Variants in MAML2 observed in about 807,000 individuals in gnomAD.
The protein encoded by MAML2 is mastermind like transcriptional coactivator 2, also known as mastermind-like protein 2.
Under a neutral mutation model 96.1 loss-of-function variants are expected in MAML2, and 22 were observed. That is an observed-to-expected ratio of 0.23 (90% CI 0.16 to 0.33). The LOEUF (loss-of-function observed/expected upper bound fraction) is 0.33. Among genes scored for constraint, MAML2 ranks in the 10% least tolerant of loss-of-function variants. The pLI, the probability that MAML2 is intolerant of heterozygous loss-of-function variation, is 1.00. For missense variants in MAML2, 1,367 were observed against 1,392.4 expected (o/e 0.98, Z 0.29); for synonymous variants, 561 against 521.3 (o/e 1.08, Z -1.04).
At chr11:96,093,954 T>G (rs4753717) in intron 1 of MAML2, among the ~76,000 whole-genome samples, 113,323 of 152,054 alleles carry the variant, frequency 0.75, 43,128 homozygotes, top group Middle Eastern at 0.85. Context: ...TAGAAAACAC[T>G]CACAAGTCTA....
intron 1 of MAML2, among the ~76,000 whole-genome samples, chr11:96,197,507 G>C (rs183581842): frequency 2.0e-5 from 3 of 152,130 alleles, no homozygotes; most frequent in Non-Finnish European, 4.4e-5. Context: ...ATATAAGGGG[G>C]ACTAGGGCAA....
At chr11:96,158,570 G>A (rs528998666) in intron 1 of MAML2, among the ~76,000 whole-genome samples, 1 of 152,286 alleles carries the variant, frequency 6.6e-6, no homozygotes, top group African/African-American at 2.4e-5. Context: ...TTTTGCCTGG[G>A]TGGAGGCTAG....
intron 1 of MAML2, among the ~76,000 whole-genome samples, chr11:96,207,971 T>C (rs1002902041): frequency 5.3e-5 from 8 of 152,160 alleles, no homozygotes; most frequent in African/African-American, 1.7e-4. Flanking sequence ...CTTCCTGTTT[T>C]CTCCATACTA....
At chr11:96,219,219 C>T (rs1239985952) in intron 1 of MAML2, among the ~76,000 whole-genome samples, 1 of 152,210 alleles carries the variant, frequency 6.6e-6, no homozygotes, top group Non-Finnish European at 1.5e-5. Flanking sequence ...CTTTGATGTT[C>T]ATTAGTGCCA....
At chr11:96,121,541 C>T (rs1198223973) in intron 1 of MAML2, among the ~76,000 whole-genome samples, 1 of 151,960 alleles carries the variant, frequency 6.6e-6, no homozygotes, top group African/African-American at 2.4e-5. Context: ...ATTATTTTTG[C>T]CTTGCTTCAA....
chr11:96,246,693 G>T (rs755854141), intron 1 of MAML2, among the ~76,000 whole-genome samples: 13 of 152,232 alleles, frequency 8.5e-5, no homozygotes, highest in Non-Finnish European at 1.8e-4. Context: ...ACAATGAACT[G>T]TTCCCACATG....
intron 1 of MAML2, among the ~76,000 whole-genome samples, chr11:96,166,177 T>TCTCTCTCATACACA (rs530578845): frequency 9.1e-6 from 1 of 110,330 alleles, no homozygotes; most frequent in African/African-American, 3.5e-5. Context: ...TCTCTCTCTC[T>TCTCTCTCATACACA]CACACACACA....
At chr11:96,328,502 G>A (rs901638561) in intron 1 of MAML2, among the ~76,000 whole-genome samples, 24 of 151,892 alleles carry the variant, frequency 1.6e-4, no homozygotes, top group African/African-American at 5.3e-4. Flanking sequence ...AAAAATGCTC[G>A]GGCTGGCCCA....
chr11:95,989,666 A>G lies in MAML2; in HGVS notation c.2343+1854T>C, dbSNP rs564849066. On this transcript the variant is annotated intron_variant, in intron 3 of 4. Coordinates refer to ENST00000524717, the MANE Select transcript of MAML2 (RefSeq NM_032427.4). ...GATAAAAATGGGAGGGGAAGGGAAC[A>G]GGGGGGAGGACTGGAGTTTTCAAAA... Among the ~76,000 whole-genome samples the G allele has an allele frequency of 2.6e-4, 32 of 123,392 alleles. No homozygotes were observed. The East Asian group carries it at 5.3e-3, about 20-fold the overall frequency. 80.9% of individuals were successfully genotyped at this position (123,392 alleles called of 152,430 possible).
In MAML2 at chr11:96,303,290, C is replaced by T. The variant is rs527379235; in HGVS notation, c.513+38093G>A. Among the ~76,000 whole-genome samples, 14 of 152,300 alleles carry T rather than the reference C, an allele frequency of 9.2e-5. No individual in the cohort carries two copies. In the South Asian group the frequency reaches 2.9e-3, roughly 32 times the overall value. On this transcript the variant is annotated intron_variant, in intron 1 of 4. Transcript: ENST00000524717. ...CCTCAAACAGTGGTGTATTTGTTAA[C>T]TTTATGGAAGTATAATTTACCAATA... is the stretch of plus-strand genomic sequence containing the variant.
chr11:96,246,468 G>A (rs375142010), intron 1 of MAML2, among the ~76,000 whole-genome samples: 3 of 152,216 alleles, frequency 2.0e-5, no homozygotes, highest in South Asian at 4.2e-4. Flanking sequence ...CTTCTGCCTG[G>A]GGTGTCAAGG....
chr11:96,109,765 G>T (rs1860087691), intron 1 of MAML2, among the ~76,000 whole-genome samples: 2 of 152,202 alleles, frequency 1.3e-5, no homozygotes, highest in East Asian at 1.9e-4. Context: ...AATGTGAGAT[G>T]TCTGTGGGGC....
Position 96,341,464 on chromosome 11 carries a change from A to G in MAML2, c.432T>C (p.Asn144=). ...CTCCGTTTATCCCACCACTGCCACC[A>G]TTATTGCTACTGTTCAGCAGGTGCT... ...HQQHLLNSSN[N]GGSGGINGEQ... Residue 144 remains asparagine, a synonymous_variant, in exon 1 of 5, where the codon AAT becomes AAC. Transcript: ENST00000524717. 1 of 1,550,468 alleles carries G rather than the reference A, an allele frequency of 6.4e-7. No individual in the cohort carries two copies. The highest frequency in any genetic ancestry group is 8.7e-7 in the Non-Finnish European group (1 of 1,146,770).
chr11:96,150,889 T>G (rs1317203220), intron 1 of MAML2, among the ~76,000 whole-genome samples: 1 of 152,184 alleles, frequency 6.6e-6, no homozygotes, highest in Non-Finnish European at 1.5e-5. Context: ...AAGCGTGTTC[T>G]ACAGTCTAGC....
intron 1 of MAML2, among the ~76,000 whole-genome samples, chr11:96,205,706 T>C (rs746708350): frequency 4.6e-5 from 7 of 152,236 alleles, no homozygotes; most frequent in Non-Finnish European, 7.3e-5. Flanking sequence ...ATGAGCTGCC[T>C]TCTGCTCTTC....
At chr11:96,325,440 T>C (rs1046355033) in intron 1 of MAML2, among the ~76,000 whole-genome samples, 20 of 152,194 alleles carry the variant, frequency 1.3e-4, no homozygotes, top group African/African-American at 4.8e-4. Flanking sequence ...TAAGATATTA[T>C]TACCATTTCT....
chr11:96,225,230 C>A (rs1862194845), intron 1 of MAML2, among the ~76,000 whole-genome samples: 1 of 152,130 alleles, frequency 6.6e-6, no homozygotes, highest in African/African-American at 2.4e-5. Flanking sequence ...CATAAAAGAC[C>A]ATGCAGCTTA....
intron 2 of MAML2, among the ~76,000 whole-genome samples, chr11:96,005,206 A>G (rs1259182110): frequency 6.6e-6 from 1 of 152,204 alleles, no homozygotes; most frequent in East Asian, 1.9e-4. Context: ...TGAACAAGAC[A>G]GTTTCCAAGA....
chr11:95,992,471 C>G (rs1009709373), intron 2 of MAML2, among the ~76,000 whole-genome samples: 9 of 152,138 alleles, frequency 5.9e-5, no homozygotes, highest in Admixed American at 5.9e-4. Context: ...CAGATCAGGA[C>G]TCTGCAAGAC....
Sources: allele counts gnomAD v4.1 joint callset (sites outside exome capture counted in the v4.1 genomes callset), GRCh38; gene constraint gnomAD v4.1.1; transcripts MANE v1.5; gene names NCBI Gene and HGNC (gene_info 2026-07-23, HGNC 2026-07-21).